The following CCDC102B variants were observed in gnomAD, a reference collection of about 807,000 sequenced individuals.
The protein encoded by CCDC102B is coiled-coil domain containing 102B.
Under a neutral mutation model 57.4 loss-of-function variants are expected in CCDC102B, and 75 were observed. That is an observed-to-expected ratio of 1.31 (90% CI 1.08 to 1.58). The LOEUF (loss-of-function observed/expected upper bound fraction) is 1.58, where lower values mean the gene tolerates loss of function less well. Ranked by LOEUF, CCDC102B falls within the 40% of genes most tolerant of loss-of-function variation. The pLI is 0.00. For missense variants in CCDC102B, 636 were observed against 582.6 expected, an observed-to-expected ratio of 1.09 and a Z score of -0.94; for synonymous variants, 206 against 201.9, an observed-to-expected ratio of 1.02 and a Z score of -0.17.
chr18:68,863,178 TTA>T (rs60979864), intron 4 of CCDC102B, among the ~76,000 whole-genome samples: 105,765 of 150,066 alleles, frequency 0.7, 37,605 homozygotes, highest in East Asian at 0.99. Context: ...TAAGGTGTGT[TTA>T]TATATATATA....
chr18:68,989,036 A>G (rs1162282161), intron 6 of CCDC102B, among the ~76,000 whole-genome samples: 1 of 151,988 alleles, frequency 6.6e-6, no homozygotes, highest in African/African-American at 2.4e-5. Flanking sequence ...TATCTCTCAT[A>G]TCTGTTCCTG....
intron 2 of CCDC102B, among the ~76,000 whole-genome samples, chr18:68,723,158 G>A (rs779404827): frequency 7.2e-5 from 11 of 152,110 alleles, no homozygotes; most frequent in South Asian, 4.2e-4. Context: ...TAAAAATATC[G>A]GATCTTGTGG....
At chr18:68,871,207 A>G (rs534021460) in intron 4 of CCDC102B, among the ~76,000 whole-genome samples, 1 of 152,340 alleles carries the variant, frequency 6.6e-6, no homozygotes, top group South Asian at 2.1e-4. Context: ...CTTACCAGAG[A>G]ATATACTAAA....
chr18:68,844,349 T>C lies in CCDC102B; in HGVS notation c.828-1964T>C, dbSNP rs138022871. Among the ~76,000 whole-genome samples the C allele has an allele frequency of 1.4e-4, 21 of 151,896 alleles. No individual in the cohort carries two copies. In the East Asian group the frequency reaches 4.0e-3, roughly 29 times the overall value. The stretch of plus-strand genomic sequence containing the variant: ...TTTAAGGAGGAACATAAATATATGC[T>C]TCATTACACAAATGCAGTTAATTAA... On this transcript the variant is annotated intron_variant, in intron 3 of 7. Coordinates refer to ENST00000360242, the MANE Select transcript of CCDC102B (RefSeq NM_024781.3).
At chr18:68,841,940 T>C (rs1459138202) in intron 3 of CCDC102B, among the ~76,000 whole-genome samples, 1 of 151,980 alleles carries the variant, frequency 6.6e-6, no homozygotes, top group African/African-American at 2.4e-5. Flanking sequence ...GGTTTTGCCA[T>C]ATTGCCCAGG....
chr18:68,745,218 C>T (rs997334192), intron 2 of CCDC102B, among the ~76,000 whole-genome samples: 1 of 151,930 alleles, frequency 6.6e-6, no homozygotes, highest in Non-Finnish European at 1.5e-5. Flanking sequence ...CACTGGGGGC[C>T]AGCCTGACCA....
At chr18:69,026,936 C>G (rs939477983) in intron 7 of CCDC102B, among the ~76,000 whole-genome samples, 4 of 152,122 alleles carry the variant, frequency 2.6e-5, no homozygotes, top group African/African-American at 9.7e-5. Context: ...GGAAAAGTGG[C>G]CTGGGAGGAT....
intron 6 of CCDC102B, among the ~76,000 whole-genome samples, chr18:68,943,156 A>G (rs2049434762): frequency 6.6e-6 from 1 of 151,262 alleles, no homozygotes; most frequent in Non-Finnish European, 1.5e-5. Flanking sequence ...TTTTCTTAGT[A>G]CAGAACAAAA....
chr18:68,975,684 G>A (rs2050416525), intron 6 of CCDC102B, among the ~76,000 whole-genome samples: 1 of 151,926 alleles, frequency 6.6e-6, no homozygotes, highest in Admixed American at 6.6e-5. Flanking sequence ...TCTGTGTAGT[G>A]TTCATTCACT....
intron 6 of CCDC102B, chr18:68,897,811 T>C: frequency 2.8e-6 from 1 of 355,348 alleles, no homozygotes; most frequent in South Asian, 2.4e-5. Context: ...AAGCATTTGC[T>C]GGTAGCTATG....
chr18:68,830,645 C>G, intron 1 of CCDC102B, among the ~76,000 whole-genome samples: 1 of 144,568 alleles, frequency 6.9e-6, no homozygotes, highest in Admixed American at 6.8e-5. Context: ...TATGTTTATT[C>G]CATATATATT....
At chr18:69,053,794 G>C (rs745573041) in intron 7 of CCDC102B, among the ~76,000 whole-genome samples, 6 of 151,198 alleles carry the variant, frequency 4.0e-5, no homozygotes, top group African/African-American at 1.5e-4. Flanking sequence ...AGTAAAATTT[G>C]TACATATTTA....
chr18:68,731,348 T>C (rs549344504), intron 2 of CCDC102B, among the ~76,000 whole-genome samples: 1 of 152,192 alleles, frequency 6.6e-6, no homozygotes, highest in African/African-American at 2.4e-5. Flanking sequence ...CAAACCCCTA[T>C]AATCTAGTTC....
intron 6 of CCDC102B, among the ~76,000 whole-genome samples, chr18:68,935,268 T>C (rs1206242643): frequency 1.3e-5 from 2 of 151,952 alleles, no homozygotes; most frequent in Non-Finnish European, 2.9e-5. Flanking sequence ...TGGCAGAAGA[T>C]GGGATTTTGA....
intron 5 of CCDC102B, among the ~76,000 whole-genome samples, chr18:68,886,463 C>A (rs1916290425): frequency 6.6e-6 from 1 of 152,012 alleles, no homozygotes; most frequent in South Asian, 2.1e-4. Flanking sequence ...GATCTTGAAC[C>A]CATTGTTGAA....
intron 6 of CCDC102B, among the ~76,000 whole-genome samples, chr18:68,958,633 T>C (rs2049968553): frequency 6.6e-6 from 1 of 152,184 alleles, no homozygotes; most frequent in Non-Finnish European, 1.5e-5. Flanking sequence ...CAGTAACTTA[T>C]ATTTACAGTT....
At chr18:68,990,929 C>A (rs930459031) in intron 6 of CCDC102B, among the ~76,000 whole-genome samples, 1 of 151,982 alleles carries the variant, frequency 6.6e-6, no homozygotes, top group Non-Finnish European at 1.5e-5. Flanking sequence ...TCTTTCTTGC[C>A]ATTCCTCTAT....
chr18:68,912,592 G>A (rs1327729480), intron 6 of CCDC102B, among the ~76,000 whole-genome samples: 1 of 152,146 alleles, frequency 6.6e-6, no homozygotes, highest in African/African-American at 2.4e-5. Context: ...TGATGACAGT[G>A]TCTTTAAGGT....
At chr18:68,796,844 T>TGC (rs1491542629), upstream of CCDC102B, among the ~76,000 whole-genome samples, 9 of 3,060 alleles carry the variant, frequency 2.9e-3, no homozygotes, top group South Asian at 0.071. Flanking sequence ...TGTACATGCA[T>TGC]GTGTGTGTGT....
Sources: allele counts gnomAD v4.1 joint callset (sites outside exome capture counted in the v4.1 genomes callset), GRCh38; gene constraint gnomAD v4.1.1; transcripts MANE v1.5; gene names NCBI Gene and HGNC (gene_info 2026-07-23, HGNC 2026-07-21).